The following ITGB5 variants were observed in gnomAD, a reference collection of about 807,000 sequenced individuals.
The protein encoded by ITGB5 is integrin subunit beta 5, also known as integrin beta-5.
Under a neutral mutation model 84.8 loss-of-function variants are expected in ITGB5, and 38 were observed. That is an observed-to-expected ratio of 0.45 (90% CI 0.35 to 0.59). The LOEUF (loss-of-function observed/expected upper bound fraction) is 0.59. Among genes scored for constraint, ITGB5 ranks in the 20% least tolerant of loss-of-function variants. ITGB5 has a pLI of 0.01. For missense variants in ITGB5, 905 were observed against 1,034.5 expected, an observed-to-expected ratio of 0.87 and a Z score of 1.72; for synonymous variants, 393 against 414.4, an observed-to-expected ratio of 0.95 and a Z score of 0.63.
chr3:124,824,345 G>T lies in ITGB5; in HGVS notation c.781-2871C>A, dbSNP rs2064752319. 2.0e-5 allele frequency among the ~76,000 whole-genome samples: 3 copies of T among 152,216 alleles called. No individual in the cohort carries two copies. The South Asian group carries it at 6.2e-4, about 32-fold the overall frequency. ...CTGGATATTCATATGCAAAAAAAAT[G>T]AAGTTCAACCCATATGTCTCATCAC... On this transcript the variant is annotated intron_variant, in intron 5 of 14. Transcript: ENST00000296181.
chr3:124,886,952 C>T lies in ITGB5; in HGVS notation c.49G>A (p.Ala17Thr). The T allele has an allele frequency of 8.3e-7, 1 of 1,210,266 alleles. No individual in the cohort carries two copies. Among genetic ancestry groups the T allele is most frequent in the East Asian group, 3.3e-5 (1 of 30,028 alleles). 75.0% of individuals were successfully genotyped at this position (1,210,266 alleles called of 1,614,324 possible). A position where few individuals can be genotyped will look rare whatever the true frequency, so the allele number is the denominator to read the frequency against. Residue 17 changes from alanine (A) to threonine (T), a missense_variant, in exon 1 of 15, where the codon GCG (alanine) becomes ACG (threonine). Ala to Thr is a moderately conservative substitution (Grantham distance 58). Coordinates refer to ENST00000296181, the MANE Select transcript of ITGB5 (RefSeq NM_002213.5). ...TTACCTGCGAGCCGGGGCAGGAGCG[C>T]GCAGAGCCCCAGGAGGCAGGCGTAC... ...PLYACLLGLC[A>T]LLPRLAGLNI...
chr3:124,850,723 C>A (rs1243539287), intron 3 of ITGB5, among the ~76,000 whole-genome samples: 3 of 151,502 alleles, frequency 2.0e-5, no homozygotes, highest in South Asian at 2.1e-4. Flanking sequence ...AAAAAAAAAA[C>A]CATCAGAGTC....
At chr3:124,875,743 C>A (rs2221149) in intron 1 of ITGB5, among the ~76,000 whole-genome samples, 9 of 152,044 alleles carry the variant, frequency 5.9e-5, no homozygotes, top group Non-Finnish European at 1.2e-4. Context: ...CCAAGATATG[C>A]AATCAACAGA....
Position 124,841,416 on chromosome 3 carries a change from GC to G in ITGB5, c.746del (p.Gly249AlafsTer54). On this transcript the variant is annotated frameshift_variant, in exon 5 of 15. Coordinates refer to ENST00000296181, the MANE Select transcript of ITGB5 (RefSeq NM_002213.5). LOFTEE classifies it high-confidence loss of function. ...VSRNRDAPEG[G>X]FDAVLQAAVC... ...CGGCTGCCTGGAGTACTGCATCAAA[GC>G]CCCCCTCAGGGGCATCTCGGTTCCG... 6.2e-7 allele frequency: 1 copy of G among 1,614,178 alleles called. No homozygotes were observed. The highest frequency in any genetic ancestry group is 8.5e-7 in the Non-Finnish European group (1 of 1,180,016).
intron 13 of ITGB5, among the ~76,000 whole-genome samples, 153 bp downstream of exon 13, chr3:124,766,073 A>AAAAG (rs1433891868): frequency 6.6e-6 from 1 of 151,864 alleles, no homozygotes; most frequent in African/African-American, 2.4e-5. Context: ...AAAAAAAAAA[A>AAAAG]AAAGAAAAAG....
chr3:124,897,151 G>T (rs1383919571), intron 1 of ITGB5, among the ~76,000 whole-genome samples: 1 of 152,154 alleles, frequency 6.6e-6, no homozygotes, highest in African/African-American at 2.4e-5. Context: ...ACTCCTATTT[G>T]TCTTTTGATA....
At chr3:124,812,676 G>C (rs992364873) in intron 8 of ITGB5, among the ~76,000 whole-genome samples, 2 of 152,126 alleles carry the variant, frequency 1.3e-5, no homozygotes, top group Non-Finnish European at 2.9e-5. Flanking sequence ...AACTCCCTTG[G>C]GAAGACTTGG....
intron 1 of ITGB5, among the ~76,000 whole-genome samples, chr3:124,896,669 C>G (rs1242111350): frequency 6.7e-6 from 1 of 149,730 alleles, no homozygotes; most frequent in Non-Finnish European, 1.5e-5. Context: ...TGCTTAAGCC[C>G]AGGAGTTCGA....
chr3:124,819,089 T>C (rs1228821842), intron 7 of ITGB5, among the ~76,000 whole-genome samples: 2 of 152,188 alleles, frequency 1.3e-5, no homozygotes, highest in Non-Finnish European at 2.9e-5. Context: ...TTTTTGAAGA[T>C]GGTCCAGGGT....
In ITGB5 at chr3:124,852,078, C is replaced by T. The variant is rs540648542; in HGVS notation, c.362-3520G>A. Among the ~76,000 whole-genome samples the T allele has an allele frequency of 2.4e-3, 366 of 152,316 alleles. 1 individual carries two copies. Among genetic ancestry groups the T allele is most frequent in the Non-Finnish European group, 3.4e-3 (229 of 68,040 alleles). On this transcript the variant is annotated intron_variant, in intron 3 of 14. Coordinates refer to ENST00000296181, the MANE Select transcript of ITGB5 (RefSeq NM_002213.5). Reference sequence around the variant, plus strand: ...ACTCTCCTCCCTTCCAACTCCTTCCCGGCCACGCTGCTTTCCTTTAAAAAC... The same window carrying T: ...ACTCTCCTCCCTTCCAACTCCTTCCTGGCCACGCTGCTTTCCTTTAAAAAC...
chr3:124,862,732 C>G (rs756590333), intron 2 of ITGB5: 2 of 152,178 alleles, frequency 1.3e-5, no homozygotes. Flanking sequence ...ATGCCCTTCA[C>G]TGGTAGCAGT....
intron 3 of ITGB5, among the ~76,000 whole-genome samples, chr3:124,850,841 T>C (rs2065142399): frequency 6.6e-6 from 1 of 152,006 alleles, no homozygotes; most frequent in East Asian, 1.9e-4. Context: ...AGAGGGCTCC[T>C]TGGGTGCCAC....
rs1452901006 is a variant in ITGB5 at position 124,859,349 on chromosome 3, C to T, written c.254G>A (p.Ser85Asn). 6.2e-7 allele frequency: 1 copy of T among 1,614,148 alleles called. No homozygotes were observed. Among genetic ancestry groups the T allele is most frequent in the Admixed American group, 1.7e-5 (1 of 60,020 alleles). ...GGGCAGGCTCCTCAGGACATGGAAG[C>T]TGCTGGCTGGGCTCTCTATCTCACC... ...CGGEIESPAS[S>N]FHVLRSLPLS... Residue 85 changes from serine (S) to asparagine (N), a missense_variant, in exon 3 of 15, where the codon AGC becomes AAC. Ser to Asn is a conservative substitution (Grantham distance 46). Transcript: ENST00000296181.
chr3:124,824,565 T>A (rs1236615733), intron 5 of ITGB5, among the ~76,000 whole-genome samples: 1 of 152,160 alleles, frequency 6.6e-6, no homozygotes, highest in Non-Finnish European at 1.5e-5. Flanking sequence ...AAAACCTTCT[T>A]TGAAAAATAC....
rs564589655 is a variant in ITGB5, at chr3:124,848,804, C to T, written c.362-246G>A. On this transcript the variant is annotated intron_variant, in intron 3 of 14. Coordinates refer to ENST00000296181, the MANE Select transcript of ITGB5 (RefSeq NM_002213.5). ...TTATTTTATTTTATTTTTTTTGAGACAGTGTTGCTCTGTCGCCCAGGCTGG... is the reference window on the plus strand; with the variant it reads ...TTATTTTATTTTATTTTTTTTGAGATAGTGTTGCTCTGTCGCCCAGGCTGG... Among the ~76,000 whole-genome samples, 26 of 151,472 alleles carry T rather than the reference C, an allele frequency of 1.7e-4. 1 individual carries two copies. Among genetic ancestry groups the T allele is most frequent in the African/African-American group, 6.3e-4 (26 of 41,272 alleles).
chr3:124,838,727 G>A (rs1265423448), intron 5 of ITGB5, among the ~76,000 whole-genome samples: 5 of 151,776 alleles, frequency 3.3e-5, no homozygotes, highest in East Asian at 3.9e-4. Flanking sequence ...TCAGCCTCCC[G>A]AGTAGCTGGG....
chr3:124,891,327 CAACAGATG>C (rs1384268096), upstream of ITGB5, among the ~76,000 whole-genome samples: 1 of 152,118 alleles, frequency 6.6e-6, no homozygotes. Flanking sequence ...AAGTGTCCAT[CAACAGATG>C]AACAGAAGAC....
intron 10 of ITGB5, 137 bp downstream of exon 10, chr3:124,796,251 T>C: frequency 1.2e-6 from 1 of 800,692 alleles, no homozygotes; most frequent in Non-Finnish European, 2.0e-6. Context: ...GTAGCAAGGC[T>C]TGCCCACTGT....
chr3:124,819,982 T>G (rs1325343773), intron 6 of ITGB5, 148 bp from the exon 7 acceptor site: 1 of 688,044 alleles, frequency 1.5e-6, no homozygotes, highest in Non-Finnish European at 2.7e-6. Flanking sequence ...TAACTAAGCC[T>G]TCTTGGTAGC....
Sources: gnomAD v4.1 joint callset for allele counts (sites outside exome capture counted in the v4.1 genomes callset) on GRCh38, gnomAD v4.1.1 for gene constraint, MANE v1.5 for transcripts, NCBI Gene and HGNC (gene_info 2026-07-23, HGNC 2026-07-21) for gene names.